The following COL5A2 variants were observed in gnomAD, a reference collection of about 807,000 sequenced individuals.
COL5A2 encodes the protein collagen alpha-2(V) chain.
Under a neutral mutation model 208.2 loss-of-function variants are expected in COL5A2, and 23 were observed. The ratio of observed to expected loss-of-function variants is 0.11; its 90% CI spans 0.08 to 0.16. The LOEUF is 0.16. COL5A2 is among the 10% of genes least tolerant of loss of function. COL5A2 has a pLI of 1.00. For missense variants in COL5A2, 1,590 were observed against 1,956.4 expected (o/e 0.81, Z 3.53); for synonymous variants, 625 against 628.5 (o/e 0.99, Z 0.08).
At chr2:189,327,322 T>A in the COL5A2 span, among the ~76,000 whole-genome samples, 2 of 152,112 alleles carry the variant, frequency 1.3e-5, no homozygotes, top group African/African-American at 4.8e-5. Context: ...ATGAATGTTT[T>A]TAGTTCACAA....
At chr2:189,430,297 G>A in the COL5A2 span, among the ~76,000 whole-genome samples, 1 of 152,294 alleles carries the variant, frequency 6.6e-6, no homozygotes, top group East Asian at 1.9e-4. Flanking sequence ...TAAAGAAGAT[G>A]TGTGAAACAA....
upstream of COL5A2, among the ~76,000 whole-genome samples, chr2:189,229,617 T>C (rs567265519): frequency 2.6e-5 from 4 of 151,368 alleles, no homozygotes; most frequent in East Asian, 5.8e-4. Context: ...TAGGAAAAAA[T>C]TTAACTGAGG....
the COL5A2 span, among the ~76,000 whole-genome samples, chr2:189,323,612 T>A: frequency 1.1e-4 from 16 of 152,192 alleles, no homozygotes; most frequent in East Asian, 1.4e-3. Context: ...TCCAACTTAC[T>A]AGGGATGTGA....
At chr2:189,041,833 C>A in intron 49 of COL5A2, 140 bp from the exon 50 acceptor site, 1 of 628,590 alleles carries the variant, frequency 1.6e-6, no homozygotes, top group Non-Finnish European at 2.8e-6. Context: ...AATAAATGAA[C>A]TTCTGGTACT....
intron 1 of COL5A2, among the ~76,000 whole-genome samples, chr2:189,222,663 C>G (rs562808609): frequency 6.6e-6 from 1 of 152,212 alleles, no homozygotes; most frequent in African/African-American, 2.4e-5. Flanking sequence ...AGGCTGGGCA[C>G]TTGAGAAAGC....
intron 1 of COL5A2, among the ~76,000 whole-genome samples, chr2:189,160,299 T>G (rs1306566225): frequency 3.9e-5 from 6 of 152,222 alleles, no homozygotes; most frequent in Admixed American, 3.9e-4. Context: ...TTATTATTTG[T>G]AGAGGCAGAA....
chr2:189,093,601 C>A (rs1014078336), intron 6 of COL5A2, among the ~76,000 whole-genome samples: 11 of 152,028 alleles, frequency 7.2e-5, no homozygotes, highest in Admixed American at 6.6e-4. Context: ...TTACTTCTTG[C>A]AGTAGTGGGA....
At chr2:189,081,552 A>G (rs1686533882) in intron 12 of COL5A2, among the ~76,000 whole-genome samples, 2 of 152,190 alleles carry the variant, frequency 1.3e-5, no homozygotes, top group Non-Finnish European at 1.5e-5. Context: ...TGGCAGCAGA[A>G]TATGATGGGA....
chr2:189,347,696 C>A, the COL5A2 span, among the ~76,000 whole-genome samples: 2 of 152,144 alleles, frequency 1.3e-5, no homozygotes, highest in African/African-American at 4.8e-5. Context: ...AAGATTCCTG[C>A]CAAACCACTG....
intron 1 of COL5A2, among the ~76,000 whole-genome samples, chr2:189,136,581 CACAG>C (rs1171927536): frequency 2.7e-5 from 4 of 150,640 alleles, no homozygotes; most frequent in Admixed American, 2.0e-4. Flanking sequence ...TGTATGTTTA[CACAG>C]ACAGACATAA....
At chr2:189,278,778 C>A in the COL5A2 span, among the ~76,000 whole-genome samples, 20 of 152,026 alleles carry the variant, frequency 1.3e-4, no homozygotes, top group East Asian at 3.9e-3. Context: ...TCTCATCATT[C>A]TATTACTTTA....
At chr2:189,361,779 T>C in the COL5A2 span, among the ~76,000 whole-genome samples, 7 of 152,102 alleles carry the variant, frequency 4.6e-5, no homozygotes, top group Non-Finnish European at 1.0e-4. Flanking sequence ...ATATCTATTA[T>C]AGGTATTTGC....
chr2:189,132,498 T>C (rs1044197665), intron 1 of COL5A2, among the ~76,000 whole-genome samples: 3 of 152,242 alleles, frequency 2.0e-5, no homozygotes, highest in Non-Finnish European at 2.9e-5. Context: ...CAAGTATCTT[T>C]AATATCTTTG....
chr2:189,317,323 A>G, the COL5A2 span, among the ~76,000 whole-genome samples: 5 of 152,142 alleles, frequency 3.3e-5, no homozygotes, highest in African/African-American at 1.2e-4. Flanking sequence ...ATAAATTATA[A>G]GAAACACTCA....
the COL5A2 span, among the ~76,000 whole-genome samples, chr2:189,380,315 A>G: frequency 6.6e-6 from 1 of 151,948 alleles, no homozygotes. Flanking sequence ...CTTTTCCTTT[A>G]AAATATCTAA....
chr2:189,349,809 A>G, the COL5A2 span, among the ~76,000 whole-genome samples: 5 of 152,174 alleles, frequency 3.3e-5, no homozygotes, highest in Admixed American at 2.0e-4. Context: ...AAATTGGTCT[A>G]TATTGACTAG....
intron 23 of COL5A2, 62 bp downstream of exon 23, chr2:189,066,328 C>T: frequency 6.9e-7 from 1 of 1,447,280 alleles, no homozygotes; most frequent in South Asian, 1.1e-5. Flanking sequence ...CCTTACTGTT[C>T]TCAGACTTAC....
chr2:189,123,888 G>A (rs1002505981), intron 1 of COL5A2, among the ~76,000 whole-genome samples: 3 of 152,028 alleles, frequency 2.0e-5, no homozygotes, highest in Admixed American at 6.6e-5. Context: ...AAAAATATAC[G>A]CCCATAACTA....
At chr2:189,338,345 T>C in the COL5A2 span, among the ~76,000 whole-genome samples, 2 of 152,172 alleles carry the variant, frequency 1.3e-5, no homozygotes, top group Admixed American at 1.3e-4. Context: ...CAGGACTTGA[T>C]TCCTGGCTAA....
Sources: gnomAD v4.1 joint callset for allele counts (sites outside exome capture counted in the v4.1 genomes callset) on GRCh38, gnomAD v4.1.1 for gene constraint, MANE v1.5 for transcripts, NCBI Gene and HGNC (gene_info 2026-07-23, HGNC 2026-07-21) for gene names.